STXBP6: variants seen among roughly 807,000 people sequenced by gnomAD.
STXBP6 encodes the protein syntaxin binding protein 6, also known as syntaxin-binding protein 6.
In STXBP6, 21 loss-of-function variants were observed where a neutral mutation model predicts 26.9. That is an observed-to-expected ratio of 0.78 (90% CI 0.55 to 1.12). The LOEUF is 1.12. Ranked by LOEUF, STXBP6 falls within the 50% of genes most tolerant of loss-of-function variation. STXBP6 has a pLI of 0.00. For synonymous variants in STXBP6, 97 were observed against 92.6 expected, an observed-to-expected ratio of 1.05 and a Z score of -0.27; for missense variants, 232 against 257.9, an observed-to-expected ratio of 0.90 and a Z score of 0.69.
intron 2 of STXBP6, among the ~76,000 whole-genome samples, chr14:24,901,119 CT>C (rs1176865920): frequency 6.7e-6 from 1 of 149,348 alleles, no homozygotes; most frequent in Non-Finnish European, 1.5e-5. Context: ...GGAAAAATAA[CT>C]TTTATTTGAA....
intron 2 of STXBP6, among the ~76,000 whole-genome samples, chr14:24,884,472 G>A (rs993860408): frequency 2.2e-4 from 33 of 152,096 alleles, no homozygotes; most frequent in Admixed American, 1.8e-3. Context: ...ATTTTCCAGC[G>A]GACAGTAATT....
intron 4 of STXBP6, among the ~76,000 whole-genome samples, chr14:24,820,110 C>T (rs150540664): frequency 6.6e-6 from 1 of 152,266 alleles, no homozygotes; most frequent in East Asian, 1.9e-4. Context: ...AAAATGACAA[C>T]CAAAGGAAAT....
intron 2 of STXBP6, among the ~76,000 whole-genome samples, chr14:24,917,822 C>T (rs577559649): frequency 2.0e-5 from 3 of 152,062 alleles, no homozygotes; most frequent in Admixed American, 1.3e-4. Context: ...ATATACATAA[C>T]GGGAGAAAAT....
At position 24,810,873 on chromosome 14, in the gene STXBP6, G is replaced by GTGTGTGTGTATGTA. The variant is rs1555303496; in HGVS notation, c.*1835_*1836insTACATACACACACA. The GTGTGTGTGTATGTA allele has an allele frequency of 6.6e-6, 1 of 150,738 alleles. No homozygotes were observed. The highest frequency in any genetic ancestry group is 2.4e-5 in the African/African-American group (1 of 40,916). The allele number at this position is 150,738 out of a possible 1,614,324, so 9.3% of individuals were successfully genotyped here. On this transcript the variant is annotated 3_prime_UTR_variant, in exon 6 of 6. Transcript: ENST00000323944. ...GAAAGATAAATACATCTCTGTGTGT[G>GTGTGTGTGTATGTA]TGTGTGTGTGTGTGTGTGTGTGTGT...
At chr14:25,024,759 T>C (rs1296421960) in intron 1 of STXBP6, among the ~76,000 whole-genome samples, 1 of 152,178 alleles carries the variant, frequency 6.6e-6, no homozygotes, top group Admixed American at 6.5e-5. Flanking sequence ...AAAGATTACA[T>C]CTTTAATTTC....
intron 1 of STXBP6, among the ~76,000 whole-genome samples, chr14:25,015,103 A>G (rs2075118147): frequency 6.6e-6 from 1 of 152,228 alleles, no homozygotes; most frequent in South Asian, 2.1e-4. Flanking sequence ...ACTGAAAACT[A>G]TCATTGAGGG....
intron 2 of STXBP6, among the ~76,000 whole-genome samples, chr14:24,941,330 C>A (rs1012645048): frequency 2.0e-5 from 3 of 152,082 alleles, no homozygotes; most frequent in Non-Finnish European, 2.9e-5. Flanking sequence ...CATGAGGACA[C>A]AATGGGAGTG....
intron 2 of STXBP6, among the ~76,000 whole-genome samples, chr14:24,972,029 G>A (rs2073921062): frequency 6.6e-6 from 1 of 152,140 alleles, no homozygotes; most frequent in Non-Finnish European, 1.5e-5. Flanking sequence ...AAAAATAAGG[G>A]TGGCTGCTTC....
intron 2 of STXBP6, among the ~76,000 whole-genome samples, chr14:24,899,398 G>A (rs2071119518): frequency 6.6e-6 from 1 of 152,096 alleles, no homozygotes; most frequent in African/African-American, 2.4e-5. Context: ...GAGAAATTAG[G>A]AGTGCTTTTT....
rs895074066 is a variant in STXBP6, at chr14:25,049,622, G to C, written c.-33+256C>G. 1.4e-5 allele frequency: 14 copies of C among 985,330 alleles called. No homozygotes were observed. Among genetic ancestry groups the C allele is most frequent in the African/African-American group, 1.7e-5 (1 of 57,254 alleles). The allele number at this position is 985,330 out of a possible 1,614,324, so 61.0% of individuals were successfully genotyped here. On this transcript the variant is annotated intron_variant, in intron 1 of 5. Coordinates refer to ENST00000323944, the MANE Select transcript of STXBP6 (RefSeq NM_001394410.1). This position sits in a 1 kb window ranked among gnomAD's most constrained non-coding sequence, Gnocchi z 5.6. ...TTGCCCAATACTGCCCGCACAACGG[G>C]TCCCAGGGTTGGAGAGAACCAGGGA...
intron 2 of STXBP6, among the ~76,000 whole-genome samples, chr14:24,974,051 C>T (rs1048385662): frequency 2.6e-5 from 4 of 151,556 alleles, no homozygotes; most frequent in South Asian, 2.1e-4. Flanking sequence ...AATCTTAATA[C>T]GAATCCATTG....
At chr14:24,964,606 C>T (rs1367762833) in intron 2 of STXBP6, among the ~76,000 whole-genome samples, 1 of 151,094 alleles carries the variant, frequency 6.6e-6, no homozygotes, top group Non-Finnish European at 1.5e-5. Context: ...GATGAGAAAA[C>T]TGAGTTTCAA....
At chr14:24,950,926 T>C (rs1595173674) in intron 2 of STXBP6, among the ~76,000 whole-genome samples, 1 of 152,042 alleles carries the variant, frequency 6.6e-6, no homozygotes, top group East Asian at 1.9e-4. Flanking sequence ...GTGTGTAATG[T>C]TCCCCTCCCT....
chr14:25,020,552 G>C (rs1335639849), intron 1 of STXBP6, among the ~76,000 whole-genome samples: 1 of 152,020 alleles, frequency 6.6e-6, no homozygotes, highest in East Asian at 1.9e-4. Flanking sequence ...TCGAAACTCT[G>C]GTTTCTGTTT....
chr14:24,822,658 T>C (rs1487937255), intron 4 of STXBP6, among the ~76,000 whole-genome samples: 1 of 152,124 alleles, frequency 6.6e-6, no homozygotes, highest in East Asian at 1.9e-4. Flanking sequence ...AGGTACTCAA[T>C]GGAAGTTTGT....
intron 2 of STXBP6, among the ~76,000 whole-genome samples, chr14:24,894,183 A>G (rs1214951686): frequency 1.3e-5 from 2 of 152,242 alleles, no homozygotes; most frequent in African/African-American, 4.8e-5. Flanking sequence ...GGAAATGGAC[A>G]AAAAGACAAA....
intron 2 of STXBP6, among the ~76,000 whole-genome samples, chr14:24,899,272 C>T (rs7143584): frequency 0.62 from 93,908 of 152,016 alleles, 29,419 homozygotes; most frequent in South Asian, 0.76. Context: ...TTGTCTTCCC[C>T]TTTATTCCAG....
intron 1 of STXBP6, among the ~76,000 whole-genome samples, chr14:24,986,036 G>A (rs562426830): frequency 2.0e-5 from 3 of 152,178 alleles, no homozygotes. Flanking sequence ...GAGCAGTGCC[G>A]AATTTGTGGA....
chr14:24,877,039 T>C (rs1466178611), intron 2 of STXBP6, among the ~76,000 whole-genome samples: 1 of 152,220 alleles, frequency 6.6e-6, no homozygotes, highest in African/African-American at 2.4e-5. Context: ...AGGTATATAT[T>C]TGGCCTAATT....
Sources: gnomAD v4.1 joint callset for allele counts (sites outside exome capture counted in the v4.1 genomes callset) on GRCh38, gnomAD v4.1.1 for gene constraint, Gnocchi (gnomAD v3.1) non-coding constraint, MANE v1.5 for transcripts, NCBI Gene and HGNC (gene_info 2026-07-23, HGNC 2026-07-21) for gene names.